Variants in PEX5 observed in about 807,000 individuals in gnomAD.
PEX5 encodes the protein PTS1 receptor.
PEX5 carries 52 observed loss-of-function variants against 82.9 expected under a neutral mutation model. The ratio of observed to expected loss-of-function variants is 0.63; its 90% CI spans 0.50 to 0.79. The LOEUF is 0.79. Among genes scored for constraint, PEX5 ranks in the 30% least tolerant of loss-of-function variants. The pLI, the probability that PEX5 is intolerant of heterozygous loss-of-function variation, is 0.00. For missense variants in PEX5, 719 were observed against 815.2 expected (o/e 0.88, Z 1.44); for synonymous variants, 300 against 318.8 (o/e 0.94, Z 0.63).
At chr12:7,204,496 C>A (rs950176936) in intron 10 of PEX5, among the ~76,000 whole-genome samples, 1 of 152,160 alleles carries the variant, frequency 6.6e-6, no homozygotes, top group African/African-American at 2.4e-5. Flanking sequence ...TTATTCCAGT[C>A]TGATCTGGAT....
intron 13 of PEX5, 101 bp from the exon 14 acceptor site, chr12:7,208,904 T>C: frequency 9.0e-7 from 1 of 1,109,232 alleles, no homozygotes. Context: ...GATAGATTGA[T>C]GAATGTTGGG....
chr12:7,196,338 A>ACG, intron 5 of PEX5, among the ~76,000 whole-genome samples: 3 of 134,720 alleles, frequency 2.2e-5, no homozygotes, highest in South Asian at 2.4e-4. Context: ...TAATTTATAT[A>ACG]TGTCATATAT....
At chr12:7,211,954 AATTTTT>A (rs1488255826), downstream of PEX5, among the ~76,000 whole-genome samples, 4 of 148,182 alleles carry the variant, frequency 2.7e-5, no homozygotes, top group East Asian at 7.9e-4. Flanking sequence ...TTGGAAAAAA[AATTTTT>A]TTTTTTTTGT....
downstream of PEX5, among the ~76,000 whole-genome samples, chr12:7,214,415 T>G (rs1304126740): frequency 1.3e-5 from 2 of 151,906 alleles, no homozygotes; most frequent in Non-Finnish European, 2.9e-5. Flanking sequence ...TCATGTCCTT[T>G]GTAGGGACAT....
chr12:7,199,783 G>A (rs1191198366), intron 6 of PEX5, among the ~76,000 whole-genome samples: 2 of 151,058 alleles, frequency 1.3e-5, no homozygotes, highest in Non-Finnish European at 3.0e-5. Context: ...AGGGGCGGCC[G>A]GGCAGAGGCG....
downstream of PEX5, chr12:7,211,522 T>C (rs1352181136): frequency 1.3e-5 from 2 of 152,260 alleles, no homozygotes; most frequent in South Asian, 4.1e-4. Context: ...AGAAGGTGAG[T>C]TGGCGTTTGG....
At chr12:7,202,377 C>A (rs774791319) in intron 8 of PEX5, 26 bp downstream of exon 8, 1 of 1,613,466 alleles carries the variant, frequency 6.2e-7, no homozygotes, top group Non-Finnish European at 8.5e-7. Flanking sequence ...TTTCCAGTCC[C>A]ACTTCAGAGC....
chr12:7,209,201 A>T, intron 14 of PEX5, 31 bp downstream of exon 14: 1 of 1,606,648 alleles, frequency 6.2e-7, no homozygotes, highest in Non-Finnish European at 8.5e-7. Flanking sequence ...GAAATGGGAC[A>T]TGACTGTGTA....
chr12:7,192,915 G>A (rs554104971), intron 5 of PEX5, among the ~76,000 whole-genome samples: 2 of 152,122 alleles, frequency 1.3e-5, no homozygotes, highest in South Asian at 2.1e-4. Flanking sequence ...GGGCTTCTCC[G>A]CACACAAGAG....
chr12:7,209,188 A>G lies in PEX5; in HGVS notation c.1560+18A>G. ...GTCCCAATGTGAGCCCAGGGGAGGA[A>G]TGGAAATGGGACATGACTGTGTACC... On this transcript the variant is annotated intron_variant, in intron 14 of 15. Transcript: ENST00000675855. 6 of 1,612,230 alleles carry G rather than the reference A, an allele frequency of 3.7e-6. No homozygotes were observed. Among genetic ancestry groups the G allele is most frequent in the Non-Finnish European group, 5.1e-6 (6 of 1,178,950 alleles).
intron 5 of PEX5, among the ~76,000 whole-genome samples, chr12:7,194,356 C>T (rs1347299512): frequency 7.9e-5 from 12 of 152,174 alleles, no homozygotes; most frequent in Admixed American, 7.2e-4. Context: ...ATACCCTTCA[C>T]CCAGTCTCCT....
intron 5 of PEX5, among the ~76,000 whole-genome samples, chr12:7,196,448 A>G (rs889727336): frequency 6.5e-5 from 9 of 138,892 alleles, no homozygotes; most frequent in African/African-American, 2.3e-4. Context: ...ATAATGTAAT[A>G]ATTATGTGTC....
In PEX5 at chr12:7,216,991, A is replaced by G. The variant is rs184630125; in HGVS notation, c.*20-1411A>G. Among the ~76,000 whole-genome samples the G allele has an allele frequency of 2.6e-5, 4 of 152,308 alleles. No homozygotes were observed. The East Asian group carries it at 7.7e-4, about 29-fold the overall frequency. Reference sequence around the variant, plus strand: ...GTGTTTATTTTTTTTCTTCACATCAATGTAGTAGTTACTTTTAACCATGAC... The same window carrying G: ...GTGTTTATTTTTTTTCTTCACATCAGTGTAGTAGTTACTTTTAACCATGAC... On this transcript the variant is annotated intron_variant, in intron 17 of 17. Transcript: ENST00000455147.
chr12:7,217,110 C>T (rs1945801051), intron 17 of PEX5, among the ~76,000 whole-genome samples: 2 of 152,104 alleles, frequency 1.3e-5, no homozygotes, highest in South Asian at 4.2e-4. Context: ...AACTATCAGC[C>T]CATGGGGAAT....
At chr12:7,215,028 C>T (rs936279247), downstream of PEX5, among the ~76,000 whole-genome samples, 10 of 152,094 alleles carry the variant, frequency 6.6e-5, no homozygotes, top group Admixed American at 2.6e-4. Flanking sequence ...ATTTGGGTGA[C>T]TTTGTAGTCC....
Position 7,201,737 on chromosome 12 carries a change from C to G in PEX5, c.552-14C>G, listed in dbSNP as rs1484563532. ...GGCAGACTAATGTGTAAAATTAGTTCTTACCCGTTCCAGGTATGATGAATA... is the reference window on the plus strand; with the variant it reads ...GGCAGACTAATGTGTAAAATTAGTTGTTACCCGTTCCAGGTATGATGAATA... On this transcript the variant is annotated splice_polypyrimidine_tract_variant and intron_variant, in intron 6 of 15. Transcript: ENST00000675855. The G allele has an allele frequency of 4.4e-6, 7 of 1,594,906 alleles. No individual in the cohort carries two copies. The highest frequency in any genetic ancestry group is 6.0e-6 in the Non-Finnish European group (7 of 1,162,652).
At chr12:7,203,686 C>G (rs1471765474) in intron 10 of PEX5, 135 bp downstream of exon 10, 1 of 820,378 alleles carries the variant, frequency 1.2e-6, no homozygotes, top group African/African-American at 1.7e-5. Context: ...CTGAATAATT[C>G]CCTTGCCCTT....
chr12:7,211,366 A>G lies in PEX5; in HGVS notation c.*1143A>G, dbSNP rs1473837887. On this transcript the variant is annotated 3_prime_UTR_variant, in exon 16 of 16. Coordinates refer to ENST00000675855, the MANE Select transcript of PEX5 (RefSeq NM_001351132.2). ...AGAGAGATTTTTTTTTTAAACTACC[A>G]TGGTCCCAGGATTCCATCCTGAAAT... 1 of 152,096 alleles carries G rather than the reference A, an allele frequency of 6.6e-6. No individual in the cohort carries two copies. Among genetic ancestry groups the G allele is most frequent in the African/African-American group, 2.4e-5 (1 of 41,382 alleles). 9.4% of individuals were successfully genotyped at this position (152,096 alleles called of 1,614,324 possible).
At chr12:7,209,206 TG>T (rs1565720989) in intron 14 of PEX5, 36 bp downstream of exon 14, 1 of 1,602,306 alleles carries the variant, frequency 6.2e-7, no homozygotes, top group South Asian at 1.1e-5. Flanking sequence ...GGGACATGAC[TG>T]TGTACCTTAT....
Sources: allele counts gnomAD v4.1 joint callset (sites outside exome capture counted in the v4.1 genomes callset), GRCh38; gene constraint gnomAD v4.1.1; transcripts MANE v1.5; gene names NCBI Gene and HGNC (gene_info 2026-07-23, HGNC 2026-07-21).